GABRG3: variants seen among roughly 807,000 people sequenced by gnomAD.
GABRG3 encodes the protein gamma-aminobutyric acid receptor subunit gamma-3.
GABRG3 carries 25 observed loss-of-function variants against 48.8 expected under a neutral mutation model. The observed-to-expected ratio is 0.51, with a 90% CI of 0.37 to 0.72. The LOEUF (loss-of-function observed/expected upper bound fraction) is 0.72, where lower values mean the gene tolerates loss of function less well. Among genes scored for constraint, GABRG3 ranks in the 30% least tolerant of loss-of-function variants. The pLI is 0.00. For missense variants in GABRG3, 394 were observed against 577.9 expected, an observed-to-expected ratio of 0.68 and a Z score of 3.26; for synonymous variants, 227 against 217.6, an observed-to-expected ratio of 1.04 and a Z score of -0.38.
intron 5 of GABRG3, among the ~76,000 whole-genome samples, chr15:27,398,261 C>T (rs1302532412): frequency 1.3e-5 from 2 of 152,078 alleles, no homozygotes; most frequent in Non-Finnish European, 2.9e-5. Flanking sequence ...TACATTGTGC[C>T]TGATACATAC....
At chr15:27,030,260 G>C (rs913880105) in intron 3 of GABRG3, among the ~76,000 whole-genome samples, 1 of 152,084 alleles carries the variant, frequency 6.6e-6, no homozygotes, top group Non-Finnish European at 1.5e-5. Context: ...CAATGAAACA[G>C]GGAACAATGA....
At chr15:27,211,008 T>C (rs1015196113) in intron 3 of GABRG3, among the ~76,000 whole-genome samples, 3 of 152,204 alleles carry the variant, frequency 2.0e-5, no homozygotes, top group Admixed American at 6.5e-5. Flanking sequence ...TAGAGAAATA[T>C]CAGAATTATC....
chr15:27,088,256 C>T (rs1331249825), intron 3 of GABRG3, among the ~76,000 whole-genome samples: 1 of 34,774 alleles, frequency 2.9e-5, no homozygotes, highest in African/African-American at 1.0e-4. Flanking sequence ...GGGGCGGGCG[C>T]GGGGGCGGGC....
At chr15:27,532,475 G>GAGT in intron 9 of GABRG3, 125 bp from the exon 10 acceptor site, 1 of 812,976 alleles carries the variant, frequency 1.2e-6, no homozygotes, top group Non-Finnish European at 1.8e-6. Flanking sequence ...ATGGGGGGAA[G>GAGT]GGCACACCCA....
chr15:27,452,420 C>A (rs182539467), intron 5 of GABRG3, among the ~76,000 whole-genome samples: 1 of 152,196 alleles, frequency 6.6e-6, no homozygotes, highest in Admixed American at 6.5e-5. Flanking sequence ...GGCCAATACC[C>A]CCACAGTGGA....
chr15:27,396,139 C>T (rs1355319490), intron 5 of GABRG3, among the ~76,000 whole-genome samples: 2 of 152,212 alleles, frequency 1.3e-5, no homozygotes, highest in African/African-American at 4.8e-5. Context: ...GCTGGGATTA[C>T]AGGCATGAGC....
intron 3 of GABRG3, among the ~76,000 whole-genome samples, chr15:27,054,426 A>G (rs767566602): frequency 6.6e-6 from 1 of 152,154 alleles, no homozygotes; most frequent in African/African-American, 2.4e-5. Context: ...AAAAATAGAA[A>G]TAAACAAGGA....
chr15:26,972,752 G>T (rs1392371184), intron 1 of GABRG3, among the ~76,000 whole-genome samples: 1 of 152,066 alleles, frequency 6.6e-6, no homozygotes, highest in Non-Finnish European at 1.5e-5. Flanking sequence ...AAACATGAAG[G>T]GGGCCCCCAG....
chr15:27,189,376 C>T (rs535596853), intron 3 of GABRG3, among the ~76,000 whole-genome samples: 190 of 152,234 alleles, frequency 1.2e-3, no homozygotes, highest in Middle Eastern at 3.4e-3. Flanking sequence ...AATGTTCTTC[C>T]ATTTCTTTGT....
chr15:27,237,231 C>G (rs7170340), intron 3 of GABRG3, among the ~76,000 whole-genome samples: 48,537 of 152,136 alleles, frequency 0.32, 11,786 homozygotes, highest in African/African-American at 0.67. Flanking sequence ...CAGTGCTGAC[C>G]CACGAGCAGA....
Position 27,447,571 on chromosome 15 carries a change from T to G in GABRG3, c.575-33079T>G, listed in dbSNP as rs546114119. Among the ~76,000 whole-genome samples, 2 of 150,340 alleles carry G rather than the reference T, an allele frequency of 1.3e-5. No homozygotes were observed. The highest frequency in any genetic ancestry group is 6.9e-3 in the Middle Eastern group (2 of 290). On this transcript the variant is annotated intron_variant, in intron 5 of 9. Coordinates refer to ENST00000615808, the MANE Select transcript of GABRG3 (RefSeq NM_033223.5). This position sits in a 1 kb window ranked among gnomAD's most constrained non-coding sequence, Gnocchi z 4.0. The stretch of plus-strand genomic sequence containing the variant: ...GGCCAGAGATGACAGGGCTGAGAGA[T>G]GGGGACAGATTTGACACAGACCTAC...
At chr15:27,532,257 T>C (rs1410990468) in intron 9 of GABRG3, among the ~76,000 whole-genome samples, 1 of 152,058 alleles carries the variant, frequency 6.6e-6, no homozygotes, top group African/African-American at 2.4e-5. Flanking sequence ...GAAACTGCAA[T>C]GCAATTTTCC....
At chr15:27,213,245 T>C (rs1422789298) in intron 3 of GABRG3, among the ~76,000 whole-genome samples, 1 of 152,204 alleles carries the variant, frequency 6.6e-6, no homozygotes, top group Non-Finnish European at 1.5e-5. Context: ...AGTGAGAGGC[T>C]TCACATAATT....
intron 6 of GABRG3, among the ~76,000 whole-genome samples, chr15:27,515,524 G>T (rs1890998691): frequency 6.6e-6 from 1 of 152,170 alleles, no homozygotes; most frequent in Non-Finnish European, 1.5e-5. Flanking sequence ...CAGGCCTCAG[G>T]TGGCTTTTCA....
intron 5 of GABRG3, among the ~76,000 whole-genome samples, chr15:27,454,176 A>T (rs558745025): frequency 4.6e-5 from 7 of 152,356 alleles, no homozygotes; most frequent in Non-Finnish European, 8.8e-5. Flanking sequence ...TCTTTAAGAT[A>T]TGCCTTTTGG....
intron 5 of GABRG3, among the ~76,000 whole-genome samples, chr15:27,430,420 C>CT (rs927390931): frequency 6.6e-6 from 1 of 151,780 alleles, no homozygotes; most frequent in Non-Finnish European, 1.5e-5. Context: ...ATAATTTGAC[C>CT]TTTTTTTTCC....
At chr15:27,121,183 G>T (rs1437108803) in intron 3 of GABRG3, among the ~76,000 whole-genome samples, 2 of 152,196 alleles carry the variant, frequency 1.3e-5, no homozygotes, top group South Asian at 4.1e-4. Context: ...TGGGAACCAG[G>T]TAAGGAATCA....
At position 27,183,601 on chromosome 15, in the gene GABRG3, C is replaced by T. The variant is rs369011040; in HGVS notation, c.271-143208C>T. On this transcript the variant is annotated intron_variant, in intron 3 of 9. Coordinates refer to ENST00000615808, the MANE Select transcript of GABRG3 (RefSeq NM_033223.5). The stretch of plus-strand genomic sequence containing the variant: ...TTGAAGCATGCATTATATTCTTCTT[C>T]GAATTATTTTAAAAAACAAACATTG... Among the ~76,000 whole-genome samples the T allele has an allele frequency of 3.3e-5, 5 of 152,196 alleles. No individual in the cohort carries two copies. The East Asian group carries it at 9.6e-4, about 29-fold the overall frequency.
chr15:27,098,295 G>C (rs138950003), intron 3 of GABRG3, among the ~76,000 whole-genome samples: 1 of 152,064 alleles, frequency 6.6e-6, no homozygotes, highest in Non-Finnish European at 1.5e-5. Flanking sequence ...ATAGCCAGGC[G>C]TGGTGGCAGG....
Sources: allele counts gnomAD v4.1 joint callset (sites outside exome capture counted in the v4.1 genomes callset), GRCh38; gene constraint gnomAD v4.1.1; non-coding constraint Gnocchi (gnomAD v3.1); transcripts MANE v1.5; gene names NCBI Gene and HGNC (gene_info 2026-07-23, HGNC 2026-07-21).